BCAS3: variants seen among roughly 807,000 people sequenced by gnomAD.
BCAS3 encodes the protein BCAS3 microtubule associated cell migration factor, also known as BCAS4/BCAS3 fusion.
A neutral mutation model predicts 116.1 loss-of-function variants in BCAS3; 53 were observed. The observed-to-expected ratio is 0.46, with a 90% CI of 0.37 to 0.57. The LOEUF is 0.57. BCAS3 is among the 20% of genes least tolerant of loss of function. The pLI is 0.00. For missense variants in BCAS3, 917 were observed against 1,165.4 expected, an observed-to-expected ratio of 0.79 and a Z score of 3.10; for synonymous variants, 391 against 408.2, an observed-to-expected ratio of 0.96 and a Z score of 0.51.
At chr17:61,262,198 T>G (rs565272389) in intron 22 of BCAS3, among the ~76,000 whole-genome samples, 1 of 152,050 alleles carries the variant, frequency 6.6e-6, no homozygotes, top group East Asian at 1.9e-4. Context: ...TGTTCTTTCA[T>G]GATGGTAATA....
Position 61,140,575 on chromosome 17 carries a change from A to G in BCAS3, c.2425+56011A>G, listed in dbSNP as rs1361993131. On this transcript the variant is annotated intron_variant, in intron 22 of 23. Transcript: ENST00000407086. This position sits in a 1 kb window ranked among gnomAD's most constrained non-coding sequence, Gnocchi z 4.2. The stretch of plus-strand genomic sequence containing the variant: ...TTGTAAAGTCACATAAAAGTTGCTT[A>G]TCTCTCCACTTTTTTTTTTTTTCTG... 5.3e-5 allele frequency among the ~76,000 whole-genome samples: 8 copies of G among 151,848 alleles called. No homozygotes were observed. Among genetic ancestry groups the G allele is most frequent in the Non-Finnish European group, 7.4e-5 (5 of 67,982 alleles).
In BCAS3 at chr17:61,248,533, T is replaced by C. The variant is rs575741891; in HGVS notation, c.2426-119794T>C. Among the ~76,000 whole-genome samples the C allele has an allele frequency of 6.6e-6, 1 of 152,266 alleles. No homozygotes were observed. The highest frequency in any genetic ancestry group is 6.5e-5 in the Admixed American group (1 of 15,298). ...TTGGGCCTTGGGAGGAGGGGTAATA[T>C]ACAAGATTAGAGTGCAAAGTCCATC... On this transcript the variant is annotated intron_variant, in intron 22 of 23. Transcript: ENST00000407086. This position sits in a 1 kb window ranked among gnomAD's most constrained non-coding sequence, Gnocchi z 4.3.
At chr17:61,322,856 C>CAGAGAG (rs149772722) in intron 22 of BCAS3, among the ~76,000 whole-genome samples, 7 of 60,510 alleles carry the variant, frequency 1.2e-4, no homozygotes, top group Admixed American at 3.3e-4. Context: ...GAGAGAGAGA[C>CAGAGAG]AGAGAGAGAG....
At chr17:60,925,923 A>G (rs2059345598) in intron 13 of BCAS3, among the ~76,000 whole-genome samples, 1 of 152,122 alleles carries the variant, frequency 6.6e-6, no homozygotes, top group Admixed American at 6.5e-5. Flanking sequence ...GTCTAAATAC[A>G]AAATTTATTT....
Position 60,961,428 on chromosome 17 carries a change from T to C in BCAS3, c.1221+14076T>C, listed in dbSNP as rs572917447. ...ATGCAGGAGCTGCTGCTTCAATCTATAGGATCACAATAGTCACATTAGCAG... is the reference window on the plus strand; with the variant it reads ...ATGCAGGAGCTGCTGCTTCAATCTACAGGATCACAATAGTCACATTAGCAG... On this transcript the variant is annotated intron_variant, in intron 14 of 23. Transcript: ENST00000407086. The surrounding 1 kb of genome is among the most constrained non-coding windows in gnomAD (Gnocchi z 4.8). 1.2e-4 allele frequency among the ~76,000 whole-genome samples: 19 copies of C among 152,182 alleles called. No individual in the cohort carries two copies. The highest frequency in any genetic ancestry group is 4.3e-4 in the African/African-American group (18 of 41,544).
rs1360222799 is a variant in BCAS3 at position 61,082,295 on chromosome 17, A to G, written c.2328-2172A>G. Among the ~76,000 whole-genome samples, 1 of 152,192 alleles carries G rather than the reference A, an allele frequency of 6.6e-6. No individual in the cohort carries two copies. The highest frequency in any genetic ancestry group is 2.4e-5 in the African/African-American group (1 of 41,458). ...AATGTACAAGTCAGTGGGTTTTAGT[A>G]TATTCACTATGTTTGGCATCCATCC... On this transcript the variant is annotated intron_variant, in intron 21 of 23. Transcript: ENST00000407086. This position sits in a 1 kb window ranked among gnomAD's most constrained non-coding sequence, Gnocchi z 5.1.
intron 6 of BCAS3, among the ~76,000 whole-genome samples, chr17:60,793,918 G>A (rs1054285594): frequency 6.6e-6 from 1 of 152,158 alleles, no homozygotes; most frequent in Non-Finnish European, 1.5e-5. Context: ...CCTCTGGGTA[G>A]ATACCCATAG....
intron 11 of BCAS3, among the ~76,000 whole-genome samples, chr17:60,904,131 C>T (rs1599577075): frequency 6.6e-6 from 1 of 152,132 alleles, no homozygotes; most frequent in Non-Finnish European, 1.5e-5. Context: ...CAGGGCTGGG[C>T]GCTGTGGCTC....
At chr17:60,981,652 T>G (rs756487043) in intron 14 of BCAS3, among the ~76,000 whole-genome samples, 16 of 152,200 alleles carry the variant, frequency 1.1e-4, no homozygotes, top group Non-Finnish European at 1.9e-4. Context: ...TGTATTTTTA[T>G]GAGGACAATA....
At chr17:60,811,211 A>G in intron 7 of BCAS3, 2 of 723,050 alleles carry the variant, frequency 2.8e-6, no homozygotes, top group Non-Finnish European at 4.8e-6. Context: ...ACCTAGAGTC[A>G]GAGCTGGCAC....
chr17:61,052,187 T>C (rs1490868849), intron 19 of BCAS3, among the ~76,000 whole-genome samples: 1 of 152,120 alleles, frequency 6.6e-6, no homozygotes, highest in Non-Finnish European at 1.5e-5. Context: ...TTTATTTACG[T>C]TGACCACTTG....
chr17:61,298,498 G>A (rs1056177024), intron 22 of BCAS3, among the ~76,000 whole-genome samples: 1 of 152,192 alleles, frequency 6.6e-6, no homozygotes, highest in African/African-American at 2.4e-5. Flanking sequence ...CAAATGCCCT[G>A]GTCTTTGTGA....
At chr17:61,164,527 C>G (rs954333358) in intron 22 of BCAS3, among the ~76,000 whole-genome samples, 1 of 152,058 alleles carries the variant, frequency 6.6e-6, no homozygotes, top group African/African-American at 2.4e-5. Context: ...GGGTTCCACC[C>G]CCATGAATGA....
rs1443964408 is a variant in BCAS3 at position 61,248,291 on chromosome 17, T to A, written c.2426-120036T>A. 6.6e-6 allele frequency among the ~76,000 whole-genome samples: 1 copy of A among 152,196 alleles called. No individual in the cohort carries two copies. The highest frequency in any genetic ancestry group is 2.4e-5 in the African/African-American group (1 of 41,460). ...TTTTCTTCTGAGTTGGATTGGATGG[T>A]TTAACATAATTTGTCTCTATGTTTT... On this transcript the variant is annotated intron_variant, in intron 22 of 23. Coordinates refer to ENST00000407086, the MANE Select transcript of BCAS3 (RefSeq NM_017679.5). This position sits in a 1 kb window ranked among gnomAD's most constrained non-coding sequence, Gnocchi z 4.3.
At chr17:60,712,666 T>C (rs1053819901) in intron 5 of BCAS3, among the ~76,000 whole-genome samples, 2 of 152,208 alleles carry the variant, frequency 1.3e-5, no homozygotes, top group Non-Finnish European at 2.9e-5. Flanking sequence ...AGGTTTAGTT[T>C]TTGTAGAGGT....
rs572352547 is a variant in BCAS3 at position 61,302,823 on chromosome 17, C to T, written c.2426-65504C>T. 5.3e-5 allele frequency among the ~76,000 whole-genome samples: 8 copies of T among 152,244 alleles called. No homozygotes were observed. The highest frequency in any genetic ancestry group is 2.1e-4 in the South Asian group (1 of 4,822). ...GACTTTGTAGAGAAAGGCAGTGAGA[C>T]GGAACAGTTCTGGCCATAGGGAGGA... On this transcript the variant is annotated intron_variant, in intron 22 of 23. Coordinates refer to ENST00000407086, the MANE Select transcript of BCAS3 (RefSeq NM_017679.5). This position sits in a 1 kb window ranked among gnomAD's most constrained non-coding sequence, Gnocchi z 4.4.
intron 14 of BCAS3, among the ~76,000 whole-genome samples, chr17:60,979,061 G>A (rs556651956): frequency 1.3e-3 from 190 of 143,650 alleles, no homozygotes; most frequent in Non-Finnish European, 2.4e-3. Context: ...TAGCTTGATG[G>A]GGATGGCATT....
At chr17:61,305,070 TAA>T (rs1460333199) in intron 22 of BCAS3, among the ~76,000 whole-genome samples, 3 of 152,202 alleles carry the variant, frequency 2.0e-5, no homozygotes, top group African/African-American at 7.2e-5. Flanking sequence ...AGTCCTTTTC[TAA>T]AGTGTTTATT....
chr17:60,745,012 ATT>A, intron 5 of BCAS3, among the ~76,000 whole-genome samples: 1 of 152,042 alleles, frequency 6.6e-6, no homozygotes, highest in Non-Finnish European at 1.5e-5. Flanking sequence ...GCTAAGACAG[ATT>A]TGTTTTATTC....
Sources: allele counts gnomAD v4.1 joint callset (sites outside exome capture counted in the v4.1 genomes callset), GRCh38; gene constraint gnomAD v4.1.1; non-coding constraint Gnocchi (gnomAD v3.1); transcripts MANE v1.5; gene names NCBI Gene and HGNC (gene_info 2026-07-23, HGNC 2026-07-21).